The following MARCHF1 variants were observed in gnomAD, a reference collection of about 807,000 sequenced individuals.
MARCHF1 encodes the protein E3 ubiquitin-protein ligase MARCHF1.
A neutral mutation model predicts 54.2 loss-of-function variants in MARCHF1; 40 were observed. That is an observed-to-expected ratio of 0.74 (90% CI 0.57 to 0.96). The LOEUF (loss-of-function observed/expected upper bound fraction) is 0.96. MARCHF1 is among the 40% of genes least tolerant of loss of function. MARCHF1 has a pLI of 0.00. For synonymous variants in MARCHF1, 236 were observed against 236.3 expected (o/e 1.00, Z 0.01); for missense variants, 586 against 656.5 (o/e 0.89, Z 1.17).
At chr4:164,117,213 G>A (rs927531993) in intron 1 of MARCHF1, among the ~76,000 whole-genome samples, 6 of 151,756 alleles carry the variant, frequency 4.0e-5, no homozygotes, top group Non-Finnish European at 7.4e-5. Flanking sequence ...AGCCGAGATC[G>A]CACCACTGCA....
chr4:163,794,727 T>G (rs1337683077), intron 4 of MARCHF1, among the ~76,000 whole-genome samples: 1 of 152,196 alleles, frequency 6.6e-6, no homozygotes, highest in Admixed American at 6.6e-5. Context: ...ATTCTATACA[T>G]ATAATTATAA....
intron 3 of MARCHF1, among the ~76,000 whole-genome samples, chr4:163,901,644 T>C (rs1483771691): frequency 1.3e-5 from 2 of 152,158 alleles, no homozygotes; most frequent in African/African-American, 4.8e-5. Context: ...GACTGACAAA[T>C]GGGTTGTGAA....
intron 4 of MARCHF1, among the ~76,000 whole-genome samples, chr4:163,779,736 T>C (rs1322652200): frequency 6.6e-6 from 1 of 152,056 alleles, no homozygotes; most frequent in Non-Finnish European, 1.5e-5. Context: ...TCTTGGGATG[T>C]AGAAGAAACC....
At chr4:164,130,775 T>G (rs900852787) in intron 1 of MARCHF1, among the ~76,000 whole-genome samples, 1 of 152,158 alleles carries the variant, frequency 6.6e-6, no homozygotes, top group African/African-American at 2.4e-5. Context: ...TTTGGTTCAC[T>G]GTTTTGTCCA....
chr4:164,121,803 A>C (rs1269849843), intron 1 of MARCHF1, among the ~76,000 whole-genome samples: 2 of 152,164 alleles, frequency 1.3e-5, no homozygotes, highest in Non-Finnish European at 1.5e-5. Context: ...CCAGCTATTC[A>C]AAAACTAGAG....
intron 1 of MARCHF1, among the ~76,000 whole-genome samples, chr4:164,123,086 T>C (rs1049360085): frequency 1.3e-5 from 2 of 152,166 alleles, no homozygotes; most frequent in Non-Finnish European, 1.5e-5. Flanking sequence ...AGAAAACTAT[T>C]AGAACTCGTA....
At chr4:163,848,797 G>T (rs987728339) in intron 4 of MARCHF1, among the ~76,000 whole-genome samples, 1 of 152,066 alleles carries the variant, frequency 6.6e-6, no homozygotes, top group Non-Finnish European at 1.5e-5. Context: ...CATTATGAAA[G>T]ATTTTCAGCT....
At chr4:163,899,472 TCCACCTC>T (rs1750890441) in intron 3 of MARCHF1, among the ~76,000 whole-genome samples, 1 of 152,150 alleles carries the variant, frequency 6.6e-6, no homozygotes, top group Non-Finnish European at 1.5e-5. Context: ...GTGTCCTATT[TCCACCTC>T]CCTTGCCAAT....
At chr4:163,591,986 C>G (rs1431762849) in intron 7 of MARCHF1, among the ~76,000 whole-genome samples, 1 of 152,092 alleles carries the variant, frequency 6.6e-6, no homozygotes, top group African/African-American at 2.4e-5. Context: ...TGCAGCTACT[C>G]TTATTGACAT....
rs762848402 is a variant in MARCHF1 at position 163,545,767 on chromosome 4, A to G, written c.1192-24T>C. 8 of 1,607,686 alleles carry G rather than the reference A, an allele frequency of 5.0e-6. No homozygotes were observed. In the South Asian group the frequency reaches 8.9e-5, roughly 18 times the overall value. The stretch of plus-strand genomic sequence containing the variant: ...CACTGCAATCAGAAATGAAGGACAC[A>G]AAACTGAATTGCAAACTAGGAAATT... On this transcript the variant is annotated intron_variant, in intron 8 of 9. Coordinates refer to ENST00000514618, the MANE Select transcript of MARCHF1 (RefSeq NM_001394959.1).
chr4:164,243,357 A>C (rs2321380), intron 1 of MARCHF1, among the ~76,000 whole-genome samples: 114,254 of 128,232 alleles, frequency 0.89, 50,382 homozygotes, highest in East Asian at 0.99. Context: ...TTCAACCCAG[A>C]ATTTCATATC....
chr4:163,809,018 A>G (rs1039027876), intron 4 of MARCHF1, among the ~76,000 whole-genome samples: 2 of 152,142 alleles, frequency 1.3e-5, no homozygotes, highest in African/African-American at 4.8e-5. Context: ...CTCAAACAGT[A>G]GGTCCTCTCT....
chr4:163,701,175 A>G (rs911389688), intron 4 of MARCHF1, among the ~76,000 whole-genome samples: 1 of 152,184 alleles, frequency 6.6e-6, no homozygotes, highest in Admixed American at 6.5e-5. Context: ...CTAAAATTAG[A>G]CAGTAAAACT....
chr4:163,826,727 A>G (rs1908292), intron 4 of MARCHF1, among the ~76,000 whole-genome samples: 129,050 of 151,978 alleles, frequency 0.85, 55,249 homozygotes, highest in East Asian at 0.95. Flanking sequence ...GAAGTACAGA[A>G]TAATAAGAGA....
At position 163,829,472 on chromosome 4, in the gene MARCHF1, C is replaced by T. The variant is rs72997220; in HGVS notation, c.111+24549G>A. On this transcript the variant is annotated intron_variant, in intron 4 of 9. Coordinates refer to ENST00000514618, the MANE Select transcript of MARCHF1 (RefSeq NM_001394959.1). ...TGACTATCCTATTTTGACTTATGCA[C>T]TTTAATATATGCCAATTTAAGTCAC... is the stretch of plus-strand genomic sequence containing the variant. Among the ~76,000 whole-genome samples, 235 of 152,244 alleles carry T rather than the reference C, an allele frequency of 1.5e-3. 1 individual carries two copies. Among genetic ancestry groups the T allele is most frequent in the African/African-American group, 5.1e-3 (212 of 41,552 alleles).
intron 4 of MARCHF1, among the ~76,000 whole-genome samples, chr4:163,784,102 T>C (rs1747545760): frequency 6.6e-6 from 1 of 152,126 alleles, no homozygotes; most frequent in African/African-American, 2.4e-5. Context: ...ATTTCTGTTT[T>C]ATGATTGATG....
chr4:164,225,254 A>AT (rs1324759101), intron 1 of MARCHF1, among the ~76,000 whole-genome samples: 2 of 152,072 alleles, frequency 1.3e-5, no homozygotes, highest in East Asian at 3.9e-4. Flanking sequence ...CAATGAATAG[A>AT]TTTTTTGTCT....
intron 1 of MARCHF1, among the ~76,000 whole-genome samples, chr4:164,304,607 A>G (rs1276374883): frequency 1.3e-5 from 2 of 152,246 alleles, no homozygotes; most frequent in Admixed American, 1.3e-4. Context: ...GCTCTGGCAG[A>G]AATACCTTAT....
intron 4 of MARCHF1, among the ~76,000 whole-genome samples, chr4:163,747,088 AT>A (rs1205607153): frequency 6.6e-6 from 1 of 152,202 alleles, no homozygotes; most frequent in Admixed American, 6.5e-5. Flanking sequence ...GAAATGTATA[AT>A]CTGCAACGTT....
Sources: allele counts gnomAD v4.1 joint callset (sites outside exome capture counted in the v4.1 genomes callset), GRCh38; gene constraint gnomAD v4.1.1; transcripts MANE v1.5; gene names NCBI Gene and HGNC (gene_info 2026-07-23, HGNC 2026-07-21).